KDM2B: variants seen among roughly 807,000 people sequenced by gnomAD.
KDM2B encodes lysine-specific demethylase 2B.
A neutral mutation model predicts 150.0 loss-of-function variants in KDM2B; 26 were observed. The observed-to-expected ratio is 0.17, with a 90% confidence interval of 0.13 to 0.24. The LOEUF is 0.24. KDM2B is among the 10% of genes least tolerant of loss of function. The probability of loss-of-function intolerance (pLI) is 1.00; values close to 1 mark genes in which losing one functional copy is unlikely to be tolerated. For missense variants in KDM2B, 1,265 were observed against 1,816.9 expected (o/e 0.70, Z 5.52); for synonymous variants, 734 against 729.5 (o/e 1.01, Z -0.10).
downstream of KDM2B, among the ~76,000 whole-genome samples, chr12:121,426,429 T>C (rs1872513634): frequency 6.7e-6 from 1 of 149,008 alleles, no homozygotes; most frequent in African/African-American, 2.5e-5. Context: ...TAAACTGGCA[T>C]GCCTTTCTAC....
intron 6 of KDM2B, among the ~76,000 whole-genome samples, chr12:121,546,379 C>CTTTTTTTTTTTTTTTTTTTTTTTTTCTT (rs371614406): frequency 1.0e-5 from 1 of 97,478 alleles, no homozygotes; most frequent in Non-Finnish European, 1.9e-5. Context: ...TTTTTTTTGC[C>CTTTTTTTTTTTTTTTTTTTTTTTTTCTT]TTTTTTTTTT....
At chr12:121,498,656 CT>C (rs1884214354) in intron 11 of KDM2B, among the ~76,000 whole-genome samples, 1 of 152,076 alleles carries the variant, frequency 6.6e-6, no homozygotes, top group East Asian at 1.9e-4. Flanking sequence ...GAGTTTCCTT[CT>C]TAAATGTCTT....
intron 8 of KDM2B, among the ~76,000 whole-genome samples, chr12:121,523,286 A>G (rs1265443505): frequency 6.6e-6 from 1 of 152,372 alleles, no homozygotes; most frequent in Admixed American, 6.5e-5. Flanking sequence ...AAAAGGAGAA[A>G]CGCAGAGAGA....
At chr12:121,425,477 G>A (rs1555284110), downstream of KDM2B, among the ~76,000 whole-genome samples, 4 of 152,214 alleles carry the variant, frequency 2.6e-5, no homozygotes, top group Non-Finnish European at 5.9e-5. Flanking sequence ...ACTGTGCAGT[G>A]AGTAACACAT....
At chr12:121,562,542 T>G (rs1890419333) in intron 4 of KDM2B, among the ~76,000 whole-genome samples, 1 of 151,896 alleles carries the variant, frequency 6.6e-6, no homozygotes, top group South Asian at 2.1e-4. Flanking sequence ...GAGAACTTAG[T>G]TTTTCTCCAA....
At chr12:121,460,762 C>CT (rs1281115884) in intron 12 of KDM2B, among the ~76,000 whole-genome samples, 1 of 152,016 alleles carries the variant, frequency 6.6e-6, no homozygotes, top group Non-Finnish European at 1.5e-5. Flanking sequence ...TATCAACAAT[C>CT]TTTTTTGTTT....
chr12:121,438,573 G>A (rs1874396512), intron 22 of KDM2B, among the ~76,000 whole-genome samples: 1 of 152,118 alleles, frequency 6.6e-6, no homozygotes. Flanking sequence ...ATTCACTCTG[G>A]TTCTTTGCGT....
chr12:121,565,393 C>A (rs782329479), intron 4 of KDM2B, among the ~76,000 whole-genome samples: 2 of 150,470 alleles, frequency 1.3e-5, no homozygotes, highest in Non-Finnish European at 1.5e-5. Flanking sequence ...CTCAGCAGAC[C>A]GCAACTTCCA....
intron 22 of KDM2B, among the ~76,000 whole-genome samples, chr12:121,435,226 G>A (rs1555286504): frequency 6.6e-6 from 1 of 152,164 alleles, no homozygotes; most frequent in African/African-American, 2.4e-5. Flanking sequence ...CATTGTGAAT[G>A]TACTTAATGC....
chr12:121,544,683 C>T (rs960017782), intron 6 of KDM2B, among the ~76,000 whole-genome samples: 4 of 149,862 alleles, frequency 2.7e-5, no homozygotes, highest in South Asian at 2.1e-4. Context: ...GAGGCCAAGG[C>T]GGGCAGATCA....
chr12:121,457,954 T>G (rs1878518952), intron 12 of KDM2B, among the ~76,000 whole-genome samples: 1 of 152,134 alleles, frequency 6.6e-6, no homozygotes. Context: ...AGCTCTAAAT[T>G]ATAGGGATTA....
intron 11 of KDM2B, among the ~76,000 whole-genome samples, chr12:121,507,171 C>T (rs1381219003): frequency 2.7e-5 from 4 of 149,712 alleles, no homozygotes; most frequent in African/African-American, 7.4e-5. Flanking sequence ...AAAAAGACAG[C>T]GTGGGCAACA....
intron 1 of KDM2B, chr12:121,579,903 C>T (rs1161954241): frequency 1.5e-5 from 20 of 1,378,844 alleles, no homozygotes; most frequent in Non-Finnish European, 1.7e-5. Context: ...GGTCCTCTTG[C>T]AAAATACAGA....
Position 121,533,167 on chromosome 12 carries a change from C to CT in KDM2B, c.778-209dup, listed in dbSNP as rs1386772549. 2.0e-5 allele frequency among the ~76,000 whole-genome samples: 3 copies of CT among 152,194 alleles called. No individual in the cohort carries two copies. The highest frequency in any genetic ancestry group is 6.5e-5 in the Admixed American group (1 of 15,286). On this transcript the variant is annotated intron_variant, in intron 7 of 22. Coordinates refer to ENST00000377071, the MANE Select transcript of KDM2B (RefSeq NM_032590.5). This position sits in a 1 kb window ranked among gnomAD's most constrained non-coding sequence, Gnocchi z 4.1. ...GGGAGGCAGGAAGGGCTGTGCCCAC[C>CT]TTCAGGGAACCTCCATTCCTGCTGA...
intron 8 of KDM2B, among the ~76,000 whole-genome samples, chr12:121,531,909 A>G (rs1887687866): frequency 6.6e-6 from 1 of 152,114 alleles, no homozygotes; most frequent in Admixed American, 6.6e-5. Flanking sequence ...CCGGGACAAC[A>G]TGGCAAAACC....
chr12:121,500,909 T>C (rs1417893837), intron 11 of KDM2B, among the ~76,000 whole-genome samples: 1 of 152,210 alleles, frequency 6.6e-6, no homozygotes, highest in Non-Finnish European at 1.5e-5. Flanking sequence ...GAGACCAGCC[T>C]GGTCAACATG....
At chr12:121,417,772 A>ATTCTTCAAGGTCCCAGAC in the KDM2B span, 2 of 1,614,206 alleles carry the variant, frequency 1.2e-6, no homozygotes, top group South Asian at 2.2e-5. The surrounding 1 kb of genome is among the most constrained non-coding windows in gnomAD (Gnocchi z 5.0). Flanking sequence ...AGCAGTCTGA[A>ATTCTTCAAGGTCCCAGAC]TTCTTCAAGG....
At chr12:121,436,576 G>A (rs1874027013) in intron 22 of KDM2B, among the ~76,000 whole-genome samples, 10 of 151,616 alleles carry the variant, frequency 6.6e-5, no homozygotes, top group Admixed American at 6.6e-4. Context: ...AGAAAATACA[G>A]CAAAAAGACA....
intron 13 of KDM2B, among the ~76,000 whole-genome samples, chr12:121,449,028 G>C (rs1379262030): frequency 2.6e-5 from 4 of 152,188 alleles, no homozygotes; most frequent in African/African-American, 9.7e-5. Context: ...GGGGACGTCT[G>C]GGGACCAGAC....
Sources: gnomAD v4.1 joint callset for allele counts (sites outside exome capture counted in the v4.1 genomes callset) on GRCh38, gnomAD v4.1.1 for gene constraint, Gnocchi (gnomAD v3.1) non-coding constraint, MANE v1.5 for transcripts, NCBI Gene and HGNC (gene_info 2026-07-23, HGNC 2026-07-21) for gene names.